FBXL13: variants seen among roughly 807,000 people sequenced by gnomAD.
The protein encoded by FBXL13 is F-box and leucine-rich repeat protein 13.
Under a neutral mutation model 83.6 loss-of-function variants are expected in FBXL13, and 67 were observed. The observed-to-expected ratio is 0.80, with a 90% CI of 0.66 to 0.98. The LOEUF is 0.98. FBXL13 is among the 50% of genes least tolerant of loss of function. The pLI, the probability that FBXL13 is intolerant of heterozygous loss-of-function variation, is 0.00. For missense variants in FBXL13, 822 were observed against 866.5 expected (o/e 0.95, Z 0.64); for synonymous variants, 272 against 299.5 (o/e 0.91, Z 0.95).
chr7:103,052,043 T>C (rs548674099), intron 2 of FBXL13, among the ~76,000 whole-genome samples: 25 of 152,316 alleles, frequency 1.6e-4, no homozygotes, highest in Middle Eastern at 3.4e-3. Flanking sequence ...CAGCACATAT[T>C]GGCAGTCCTC....
chr7:102,820,428 C>A (rs768951196), intron 19 of FBXL13, among the ~76,000 whole-genome samples: 2 of 152,224 alleles, frequency 1.3e-5, no homozygotes, highest in Non-Finnish European at 2.9e-5. Context: ...GGACAAAGCT[C>A]AGCTAGTAGT....
chr7:102,874,857 G>A (rs530211991), intron 16 of FBXL13, among the ~76,000 whole-genome samples: 1 of 152,280 alleles, frequency 6.6e-6, no homozygotes, highest in South Asian at 2.1e-4. Context: ...ATGAGCCATC[G>A]TGCCTGGCCT....
intron 8 of FBXL13, chr7:102,934,361 AT>A (rs1348995978): frequency 6.2e-7 from 1 of 1,614,138 alleles, no homozygotes; most frequent in Non-Finnish European, 8.5e-7. Flanking sequence ...GGAAGTGTTC[AT>A]TTACACACCT....
intron 17 of FBXL13, among the ~76,000 whole-genome samples, chr7:102,846,809 A>G (rs1389921125): frequency 6.6e-6 from 1 of 152,046 alleles, no homozygotes; most frequent in Non-Finnish European, 1.5e-5. Context: ...CACCTATGCA[A>G]GCACAGCCAG....
chr7:102,912,212 C>T (rs1194378927), intron 11 of FBXL13, among the ~76,000 whole-genome samples: 1 of 152,180 alleles, frequency 6.6e-6, no homozygotes. Flanking sequence ...CATACCACCA[C>T]AGCACTGTAT....
intron 17 of FBXL13, among the ~76,000 whole-genome samples, chr7:102,843,277 C>G (rs1197953114): frequency 1.3e-5 from 2 of 152,042 alleles, no homozygotes; most frequent in African/African-American, 4.8e-5. Flanking sequence ...AACCCCGTCT[C>G]TACTAAAAAT....
At position 102,918,449 on chromosome 7, in the gene FBXL13, A is replaced by G. The variant is rs368416586; in HGVS notation, c.879-5234T>C. 7.9e-5 allele frequency among the ~76,000 whole-genome samples: 12 copies of G among 152,184 alleles called. No homozygotes were observed. In the East Asian group the frequency reaches 9.6e-4, roughly 12 times the overall value. ...CATATTACCTTCAATTTCTAAGGAGAAAAAAAGCCATTTCAATGTATGATT... is the reference window on the plus strand; with the variant it reads ...CATATTACCTTCAATTTCTAAGGAGGAAAAAAGCCATTTCAATGTATGATT... On this transcript the variant is annotated intron_variant, in intron 10 of 19. Coordinates refer to ENST00000313221, the Ensembl canonical transcript of FBXL13.
intron 6 of FBXL13, among the ~76,000 whole-genome samples, chr7:102,969,130 C>G (rs1387355409): frequency 6.6e-6 from 1 of 152,218 alleles, no homozygotes; most frequent in Non-Finnish European, 1.5e-5. Context: ...TCACTCAACA[C>G]TCACTCACTG....
exon 1 of FBXL13, chr7:103,074,334 T>G (rs1292526863): frequency 1.6e-5 from 16 of 1,022,064 alleles, no homozygotes; most frequent in Non-Finnish European, 1.9e-5. Context: ...TCTGCTGATT[T>G]TCCTCCTCAG....
intron 19 of FBXL13, among the ~76,000 whole-genome samples, chr7:102,817,563 A>G (rs1328367985): frequency 6.6e-6 from 1 of 152,128 alleles, no homozygotes; most frequent in Non-Finnish European, 1.5e-5. Context: ...CTCTGTTGAT[A>G]GTTTCTTTTG....
intron 10 of FBXL13, among the ~76,000 whole-genome samples, chr7:102,925,819 T>G (rs1331752825): frequency 1.3e-5 from 2 of 151,734 alleles, no homozygotes; most frequent in African/African-American, 2.4e-5. Flanking sequence ...TGGGCACCTG[T>G]AATCCCAACT....
At chr7:103,055,477 C>G (rs1328561686) in intron 2 of FBXL13, among the ~76,000 whole-genome samples, 167 bp downstream of exon 2, 1 of 152,072 alleles carries the variant, frequency 6.6e-6, no homozygotes, top group African/African-American at 2.4e-5. Context: ...ATCTAGTGGG[C>G]AAATTATTCA....
intron 6 of FBXL13, among the ~76,000 whole-genome samples, chr7:102,970,535 T>A (rs1214828423): frequency 1.3e-5 from 2 of 152,138 alleles, no homozygotes; most frequent in African/African-American, 2.4e-5. Context: ...GAAATAAATA[T>A]CATTCTCTCT....
chr7:103,067,037 G>A (rs983507111), intron 1 of FBXL13, among the ~76,000 whole-genome samples: 4 of 151,772 alleles, frequency 2.6e-5, no homozygotes, highest in Non-Finnish European at 5.9e-5. Context: ...TGCCCGCCTC[G>A]GCCTCCCAAG....
intron 16 of FBXL13, among the ~76,000 whole-genome samples, chr7:102,866,787 G>T (rs893650113): frequency 1.3e-5 from 2 of 152,186 alleles, no homozygotes; most frequent in Non-Finnish European, 2.9e-5. Flanking sequence ...TTAAGAGGAA[G>T]GAAATGGTGC....
At chr7:103,039,098 T>G (rs546214014) in intron 2 of FBXL13, among the ~76,000 whole-genome samples, 3 of 152,160 alleles carry the variant, frequency 2.0e-5, no homozygotes, top group Admixed American at 6.5e-5. Flanking sequence ...AATGGCTAAC[T>G]AGAATGAATA....
At chr7:102,913,311 CTCT>C (rs1277185045) in intron 10 of FBXL13, 96 bp from the exon 12 acceptor site, 25 of 1,472,040 alleles carry the variant, frequency 1.7e-5, no homozygotes, top group South Asian at 5.0e-5. Context: ...GTAAATTCAA[CTCT>C]TCTTCTTGCA....
chr7:102,883,059 G>A (rs1028960579), intron 14 of FBXL13, among the ~76,000 whole-genome samples: 5 of 151,746 alleles, frequency 3.3e-5, no homozygotes, highest in Admixed American at 1.3e-4. Flanking sequence ...GTATTCCTGT[G>A]AGTTTCCTTA....
chr7:103,008,157 A>G (rs1266782181), intron 6 of FBXL13, among the ~76,000 whole-genome samples: 1 of 152,210 alleles, frequency 6.6e-6, no homozygotes, highest in Non-Finnish European at 1.5e-5. Context: ...ACTCATGCAG[A>G]TATTATACAT....
Sources: allele counts gnomAD v4.1 joint callset (sites outside exome capture counted in the v4.1 genomes callset), GRCh38; gene constraint gnomAD v4.1.1; transcripts MANE v1.5; gene names NCBI Gene and HGNC (gene_info 2026-07-23, HGNC 2026-07-21).